The following FGF12 variants were observed in gnomAD, a reference collection of about 807,000 sequenced individuals.
FGF12 encodes fibroblast growth factor 12.
In FGF12, 14 loss-of-function variants were observed where a neutral mutation model predicts 23.6. The ratio of observed to expected loss-of-function variants is 0.59; its 90% CI spans 0.39 to 0.93. FGF12 has a LOEUF of 0.93. Among genes scored for constraint, FGF12 ranks in the 40% least tolerant of loss-of-function variants. FGF12 has a pLI of 0.00. For missense variants in FGF12, 175 were observed against 217.8 expected, an observed-to-expected ratio of 0.80 and a Z score of 1.24; for synonymous variants, 62 against 77.3, an observed-to-expected ratio of 0.80 and a Z score of 1.04.
intron 2 of FGF12, among the ~76,000 whole-genome samples, chr3:192,462,191 G>T (rs1471833813): frequency 1.3e-5 from 2 of 152,122 alleles, no homozygotes; most frequent in Non-Finnish European, 2.9e-5. Context: ...AAAACAGTGG[G>T]AGTATAAATT....
intron 2 of FGF12, among the ~76,000 whole-genome samples, chr3:192,434,085 A>C (rs1440771275): frequency 6.6e-6 from 1 of 152,236 alleles, no homozygotes; most frequent in Non-Finnish European, 1.5e-5. Context: ...AAAACTGATA[A>C]AGCAAATGGC....
At chr3:192,656,234 T>G (rs1331550012) in intron 2 of FGF12, among the ~76,000 whole-genome samples, 1 of 151,422 alleles carries the variant, frequency 6.6e-6, no homozygotes, top group African/African-American at 2.4e-5. Context: ...CCTTTCTTAG[T>G]ATCCTTTAAC....
chr3:192,711,103 C>T (rs1039549311), intron 2 of FGF12, among the ~76,000 whole-genome samples: 1 of 152,016 alleles, frequency 6.6e-6, no homozygotes, highest in African/African-American at 2.4e-5. Context: ...GAACAGGTAA[C>T]CAAATATAAA....
chr3:192,215,629 C>G (rs1161313408), intron 4 of FGF12, among the ~76,000 whole-genome samples: 1 of 152,200 alleles, frequency 6.6e-6, no homozygotes, highest in East Asian at 1.9e-4. Flanking sequence ...CTATTATCTC[C>G]TAGCAGGTCT....
chr3:192,321,814 A>T (rs1439115550), intron 4 of FGF12, among the ~76,000 whole-genome samples: 1 of 152,126 alleles, frequency 6.6e-6, no homozygotes, highest in Non-Finnish European at 1.5e-5. Flanking sequence ...GAAGGATCAT[A>T]TCTTGACAAA....
At chr3:192,703,915 G>A (rs1718384206) in intron 2 of FGF12, among the ~76,000 whole-genome samples, 2 of 152,146 alleles carry the variant, frequency 1.3e-5, no homozygotes, top group Admixed American at 6.5e-5. Flanking sequence ...GTGTTGCCCA[G>A]GCTGGTCTCA....
At chr3:192,292,088 A>T (rs536087059) in intron 4 of FGF12, among the ~76,000 whole-genome samples, 7 of 152,298 alleles carry the variant, frequency 4.6e-5, no homozygotes, top group African/African-American at 1.4e-4. Context: ...TTCACACCAA[A>T]TTTTGATTAC....
chr3:192,564,947 A>G (rs936391995), intron 2 of FGF12, among the ~76,000 whole-genome samples: 4 of 152,220 alleles, frequency 2.6e-5, no homozygotes, highest in Non-Finnish European at 5.9e-5. Flanking sequence ...TGTTTCCTCT[A>G]CATAAAATAG....
chr3:192,249,251 T>C (rs987039443), intron 4 of FGF12, among the ~76,000 whole-genome samples: 1 of 152,172 alleles, frequency 6.6e-6, no homozygotes, highest in South Asian at 2.1e-4. Context: ...AACACTATTA[T>C]AGAGAACTCA....
At chr3:192,192,058 C>T (rs900202066) in intron 4 of FGF12, among the ~76,000 whole-genome samples, 1 of 152,194 alleles carries the variant, frequency 6.6e-6, no homozygotes, top group African/African-American at 2.4e-5. Flanking sequence ...GGTGCTCTGG[C>T]ATAAACCTTC....
intron 2 of FGF12, among the ~76,000 whole-genome samples, chr3:192,456,165 T>C (rs1722676337): frequency 6.6e-6 from 1 of 152,232 alleles, no homozygotes; most frequent in African/African-American, 2.4e-5. Flanking sequence ...TTATGAAGAA[T>C]ACAAGAGAAA....
chr3:192,452,655 T>C (rs1395209420), intron 2 of FGF12, among the ~76,000 whole-genome samples: 1 of 152,204 alleles, frequency 6.6e-6, no homozygotes, highest in Admixed American at 6.5e-5. Flanking sequence ...CTAAATCCTA[T>C]GTGAATCACA....
chr3:192,549,648 G>C (rs533359620), intron 2 of FGF12, among the ~76,000 whole-genome samples: 2 of 152,280 alleles, frequency 1.3e-5, no homozygotes, highest in African/African-American at 4.8e-5. Flanking sequence ...ATTTGAATCA[G>C]TAGATAGAGT....
At chr3:192,215,667 C>T (rs912257344) in intron 4 of FGF12, among the ~76,000 whole-genome samples, 1 of 152,196 alleles carries the variant, frequency 6.6e-6, no homozygotes, top group Non-Finnish European at 1.5e-5. Context: ...ATTGTCTCTC[C>T]AAATAGCTCA....
intron 2 of FGF12, among the ~76,000 whole-genome samples, chr3:192,714,153 ATTATTATC>A (rs1718785341): frequency 7.0e-6 from 1 of 143,168 alleles, no homozygotes; most frequent in African/African-American, 2.4e-5. Flanking sequence ...AATAGCTACT[ATTATTATC>A]TCCATTATAT....
chr3:192,723,958 A>G (rs1248060207), intron 2 of FGF12, among the ~76,000 whole-genome samples: 2 of 88,208 alleles, frequency 2.3e-5, no homozygotes, highest in Non-Finnish European at 2.2e-5. Context: ...GGAGGGGAGG[A>G]GAGGAAGGAG....
intron 2 of FGF12, among the ~76,000 whole-genome samples, chr3:192,463,884 TTTA>T (rs1232049246): frequency 6.6e-6 from 1 of 152,182 alleles, no homozygotes; most frequent in Non-Finnish European, 1.5e-5. Flanking sequence ...AACAACATGC[TTTA>T]TTATCGTCCA....
chr3:192,304,127 T>G (rs1269950310), intron 4 of FGF12, among the ~76,000 whole-genome samples: 9 of 152,188 alleles, frequency 5.9e-5, no homozygotes, highest in African/African-American at 2.2e-4. Context: ...CTTGAGGTGT[T>G]GCTAAATTGG....
chr3:192,479,688 A>T (rs1017843750), intron 2 of FGF12, among the ~76,000 whole-genome samples: 1 of 152,174 alleles, frequency 6.6e-6, no homozygotes, highest in Admixed American at 6.5e-5. Context: ...CTCTCATGAC[A>T]ATGCTACCCA....
Sources: gnomAD v4.1 joint callset for allele counts (sites outside exome capture counted in the v4.1 genomes callset) on GRCh38, gnomAD v4.1.1 for gene constraint, MANE v1.5 for transcripts, NCBI Gene and HGNC (gene_info 2026-07-23, HGNC 2026-07-21) for gene names.